Variants in TOP1 observed in about 807,000 individuals in gnomAD.
TOP1 encodes the protein DNA topoisomerase I.
TOP1 carries 10 observed loss-of-function variants against 111.1 expected under a neutral mutation model. The ratio of observed to expected loss-of-function variants is 0.09; its 90% CI spans 0.06 to 0.15. TOP1 has a LOEUF of 0.15. Ranked by LOEUF, TOP1 falls within the 10% of genes least tolerant of loss-of-function variation. The pLI is 1.00. For synonymous variants in TOP1, 271 were observed against 302.9 expected, an observed-to-expected ratio of 0.89 and a Z score of 1.10; for missense variants, 474 against 926.7, an observed-to-expected ratio of 0.51 and a Z score of 6.34.
At chr20:41,050,642 C>T (rs2033393962) in intron 2 of TOP1, among the ~76,000 whole-genome samples, 1 of 152,212 alleles carries the variant, frequency 6.6e-6, no homozygotes, top group African/African-American at 2.4e-5. Flanking sequence ...GCCCTTCCCT[C>T]TCCCCTAACA....
intron 2 of TOP1, among the ~76,000 whole-genome samples, chr20:41,052,617 T>C (rs1308833072): frequency 6.6e-6 from 1 of 152,198 alleles, no homozygotes; most frequent in Non-Finnish European, 1.5e-5. Context: ...TTCCTGTATA[T>C]TTTGTTTCCT....
chr20:41,096,345 G>T lies in TOP1; in HGVS notation c.731-875G>T, dbSNP rs184010643. ...AGCCTCCCAAAGTGCTGGGATTACA[G>T]GCATGAGCCACTGCTCCCAGCCCCT... On this transcript the variant is annotated intron_variant, in intron 9 of 20. Transcript: ENST00000361337. Among the ~76,000 whole-genome samples the T allele has an allele frequency of 2.3e-3, 357 of 152,288 alleles. 2 individuals are homozygous for T. The highest frequency in any genetic ancestry group is 8.2e-3 in the African/African-American group (339 of 41,544).
intron 17 of TOP1, among the ~76,000 whole-genome samples, chr20:41,117,116 C>T (rs1201528305): frequency 6.6e-6 from 1 of 152,112 alleles, no homozygotes; most frequent in Non-Finnish European, 1.5e-5. Flanking sequence ...ACTTGGGTAG[C>T]CGAGGCAGGA....
Position 41,109,915 on chromosome 20 carries a change from G to A in TOP1, c.1309-2867G>A, listed in dbSNP as rs1176563896. 6.6e-6 allele frequency among the ~76,000 whole-genome samples: 1 copy of A among 152,206 alleles called. No individual in the cohort carries two copies. Among genetic ancestry groups the A allele is most frequent in the Non-Finnish European group, 1.5e-5 (1 of 68,040 alleles). On this transcript the variant is annotated intron_variant, in intron 13 of 20. Transcript: ENST00000361337. The surrounding 1 kb of genome is among the most constrained non-coding windows in gnomAD (Gnocchi z 4.1). Reference sequence around the variant, plus strand: ...AGAATAGATAACACATTATGGTATAGTCATAGAATATACTATATTTATCAG... The same window carrying A: ...AGAATAGATAACACATTATGGTATAATCATAGAATATACTATATTTATCAG...
chr20:41,044,938 C>A (rs996010142), intron 2 of TOP1, among the ~76,000 whole-genome samples: 3 of 152,078 alleles, frequency 2.0e-5, no homozygotes, highest in African/African-American at 7.2e-5. Context: ...CAGGCGTGGG[C>A]CACCACGCTC....
At chr20:41,041,266 G>C (rs948353430) in intron 2 of TOP1, among the ~76,000 whole-genome samples, 1 of 151,934 alleles carries the variant, frequency 6.6e-6, no homozygotes, top group Non-Finnish European at 1.5e-5. Context: ...TGGGCAACAT[G>C]TCGGGACCCC....
At chr20:41,040,146 AT>A (rs2033243104) in intron 2 of TOP1, among the ~76,000 whole-genome samples, 1 of 152,268 alleles carries the variant, frequency 6.6e-6, no homozygotes, top group East Asian at 1.9e-4. Context: ...AACTAATTTT[AT>A]GAAACTATTG....
At chr20:41,033,460 A>G (rs1271299539) in intron 2 of TOP1, among the ~76,000 whole-genome samples, 1 of 152,058 alleles carries the variant, frequency 6.6e-6, no homozygotes, top group African/African-American at 2.4e-5. Flanking sequence ...TCAGATTATT[A>G]AATAACATGT....
chr20:41,037,177 A>G (rs2033199948), intron 2 of TOP1, among the ~76,000 whole-genome samples: 2 of 152,200 alleles, frequency 1.3e-5, no homozygotes, highest in African/African-American at 2.4e-5. Flanking sequence ...GTCATTGCCA[A>G]AGGAACTTGT....
intron 2 of TOP1, among the ~76,000 whole-genome samples, chr20:41,033,418 TGAGA>T (rs915294215): frequency 1.6e-4 from 25 of 151,584 alleles, no homozygotes; most frequent in Non-Finnish European, 3.5e-4. Context: ...GATGGGGAAT[TGAGA>T]GAGTTGGAAA....
In TOP1 at chr20:41,098,190, C is replaced by A; in HGVS notation, c.853-25C>A. 2 of 1,612,440 alleles carry A rather than the reference C, an allele frequency of 1.2e-6. No individual in the cohort carries two copies. Among genetic ancestry groups the A allele is most frequent in the South Asian group, 2.2e-5 (2 of 90,994 alleles). The stretch of plus-strand genomic sequence containing the variant: ...TAGTGTATTTTCGTTGTTTTTCTTT[C>A]ATCTCCCCATTTTCTTTTGACTAGG... On this transcript the variant is annotated intron_variant, in intron 10 of 20. Coordinates refer to ENST00000361337, the MANE Select transcript of TOP1 (RefSeq NM_003286.4). The surrounding 1 kb of genome is among the most constrained non-coding windows in gnomAD (Gnocchi z 5.7).
In TOP1 at chr20:41,029,144, C is replaced by A; in HGVS notation, c.33+44C>A. ...CTGGCGGCCCCGGACCCCGGCCTGG[C>A]CGTCCCGCGACCCCCGGCGCAGGCC... On this transcript the variant is annotated intron_variant, in intron 1 of 20. Transcript: ENST00000361337. The surrounding 1 kb of genome is among the most constrained non-coding windows in gnomAD (Gnocchi z 6.1). 1.4e-6 allele frequency: 2 copies of A among 1,412,678 alleles called. No homozygotes were observed. Among genetic ancestry groups the A allele is most frequent in the Admixed American group, 3.0e-5 (1 of 33,284 alleles). 87.5% of individuals were successfully genotyped at this position (1,412,678 alleles called of 1,614,324 possible).
chr20:41,040,088 T>A (rs1486403877), intron 2 of TOP1, among the ~76,000 whole-genome samples: 1 of 152,226 alleles, frequency 6.6e-6, no homozygotes, highest in African/African-American at 2.4e-5. Context: ...CTTCACATAT[T>A]TGAAGAACTA....
In TOP1 at chr20:41,076,128, G is replaced by A. The variant is rs1307818376; in HGVS notation, c.156-43G>A. 4 of 1,578,036 alleles carry A rather than the reference G, an allele frequency of 2.5e-6. No homozygotes were observed. The African/African-American group carries it at 5.5e-5, about 22-fold the overall frequency. On this transcript the variant is annotated intron_variant, in intron 3 of 20. Transcript: ENST00000361337. ...ATATCTTGTGAAACGAATCCTTGTG[G>A]TCCCTACTCTGGGCTAACGCTTTGT...
intron 8 of TOP1, among the ~76,000 whole-genome samples, chr20:41,084,857 T>A (rs1422218386): frequency 2.0e-5 from 3 of 152,124 alleles, no homozygotes; most frequent in Non-Finnish European, 4.4e-5. Context: ...ACAGATGCAT[T>A]TAAAACCATA....
chr20:41,075,967 G>C (rs1246709113), intron 3 of TOP1, among the ~76,000 whole-genome samples: 3 of 152,174 alleles, frequency 2.0e-5, no homozygotes, highest in African/African-American at 7.2e-5. Flanking sequence ...TGTCTAGAAT[G>C]ATGGTTTCTG....
chr20:41,040,268 G>A (rs2033244899), intron 2 of TOP1, among the ~76,000 whole-genome samples: 1 of 152,250 alleles, frequency 6.6e-6, no homozygotes, highest in African/African-American at 2.4e-5. Context: ...ATTACTTACA[G>A]TGGTTTGAAT....
At position 41,039,612 on chromosome 20, in the gene TOP1, A is replaced by C. The variant is rs576418676; in HGVS notation, c.58+10157A>C. Among the ~76,000 whole-genome samples the C allele has an allele frequency of 3.3e-5, 5 of 152,262 alleles. No homozygotes were observed. In the East Asian group the frequency reaches 9.6e-4, roughly 29 times the overall value. On this transcript the variant is annotated intron_variant, in intron 2 of 20. Coordinates refer to ENST00000361337, the MANE Select transcript of TOP1 (RefSeq NM_003286.4). ...ACATCCATGTTGCATGAATTTTAGA[A>C]AAATAGTTTTCAGCTGGGCTTGGTA...
chr20:41,113,829 G>C, intron 14 of TOP1, 141 bp from the exon 15 acceptor site: 1 of 598,388 alleles, frequency 1.7e-6, no homozygotes, highest in Non-Finnish European at 2.7e-6. Context: ...CTTGCAGTGA[G>C]CCAAAATTGC....
Sources: allele counts gnomAD v4.1 joint callset (sites outside exome capture counted in the v4.1 genomes callset), GRCh38; gene constraint gnomAD v4.1.1; non-coding constraint Gnocchi (gnomAD v3.1); transcripts MANE v1.5; gene names NCBI Gene and HGNC (gene_info 2026-07-23, HGNC 2026-07-21).